ARPP21: variants seen among roughly 807,000 people sequenced by gnomAD.
The protein encoded by ARPP21 is cAMP-regulated phosphoprotein 21.
In ARPP21, 69 loss-of-function variants were observed where a neutral mutation model predicts 113.2. That is an observed-to-expected ratio of 0.61 (90% CI 0.50 to 0.74). The LOEUF is 0.74. ARPP21 is among the 30% of genes least tolerant of loss of function. The pLI is 0.00. For missense variants in ARPP21, 1,070 were observed against 1,037.4 expected (o/e 1.03, Z -0.43); for synonymous variants, 368 against 375.5 (o/e 0.98, Z 0.23).
chr3:35,740,236 A>G (rs2094575847), intron 18 of ARPP21, among the ~76,000 whole-genome samples: 1 of 152,172 alleles, frequency 6.6e-6, no homozygotes. Flanking sequence ...ACCACCAAAC[A>G]TCTCTGGTAC....
intron 19 of ARPP21, among the ~76,000 whole-genome samples, chr3:35,745,235 T>C (rs1245606678): frequency 1.3e-5 from 2 of 152,250 alleles, no homozygotes; most frequent in African/African-American, 4.8e-5. Context: ...CTCTAATTTG[T>C]GGAAAACGTT....
intron 9 of ARPP21, among the ~76,000 whole-genome samples, chr3:35,692,942 T>C (rs2082675425): frequency 6.6e-6 from 1 of 151,714 alleles, no homozygotes; most frequent in African/African-American, 2.4e-5. Flanking sequence ...TTCCTGCAAG[T>C]TCCCAAATAC....
At chr3:35,776,363 G>A (rs1272117496) in intron 19 of ARPP21, among the ~76,000 whole-genome samples, 1 of 152,176 alleles carries the variant, frequency 6.6e-6, no homozygotes, top group East Asian at 1.9e-4. Flanking sequence ...TAGGTACTGA[G>A]AAGCCCTGTA....
chr3:35,646,931 T>C (rs766081757), intron 1 of ARPP21, among the ~76,000 whole-genome samples: 1 of 152,162 alleles, frequency 6.6e-6, no homozygotes, highest in Non-Finnish European at 1.5e-5. Context: ...CACTCCCGTG[T>C]CATTTAACTT....
At chr3:35,773,846 T>C (rs898453638) in intron 19 of ARPP21, among the ~76,000 whole-genome samples, 16 of 152,206 alleles carry the variant, frequency 1.1e-4, no homozygotes, top group Non-Finnish European at 8.8e-5. Context: ...CATCTTAGAC[T>C]ACATCTGTTT....
intron 1 of ARPP21, among the ~76,000 whole-genome samples, chr3:35,674,030 T>A (rs2076943404): frequency 6.6e-6 from 1 of 151,922 alleles, no homozygotes; most frequent in South Asian, 2.1e-4. Context: ...CCAATAGAAA[T>A]AACTGAAAAT....
intron 12 of ARPP21, among the ~76,000 whole-genome samples, chr3:35,716,008 A>G (rs2092338328): frequency 6.6e-6 from 1 of 152,152 alleles, no homozygotes; most frequent in African/African-American, 2.4e-5. Flanking sequence ...TAGATTTAGC[A>G]GTGTACCTGG....
intron 15 of ARPP21, among the ~76,000 whole-genome samples, chr3:35,734,920 T>C (rs1261086578): frequency 6.6e-6 from 1 of 152,176 alleles, no homozygotes; most frequent in Non-Finnish European, 1.5e-5. Context: ...AGACCTAGAG[T>C]ATATCTAGTC....
chr3:35,765,990 A>T (rs933003553), intron 19 of ARPP21, among the ~76,000 whole-genome samples: 3 of 152,146 alleles, frequency 2.0e-5, no homozygotes, highest in African/African-American at 7.2e-5. Flanking sequence ...GCAATGACTG[A>T]TTATTAATGT....
intron 1 of ARPP21, among the ~76,000 whole-genome samples, chr3:35,671,692 T>C (rs1401706045): frequency 1.3e-5 from 2 of 151,872 alleles, no homozygotes; most frequent in Admixed American, 1.3e-4. Context: ...AGGGGAAAAA[T>C]GACAGTTCGA....
intron 19 of ARPP21, chr3:35,784,793 T>C (rs959913543): frequency 2.0e-5 from 3 of 152,212 alleles, no homozygotes; most frequent in African/African-American, 7.2e-5. Context: ...TGCTTTATTA[T>C]ATAAAGAGGG....
intron 1 of ARPP21, among the ~76,000 whole-genome samples, chr3:35,656,334 T>C (rs1278734263): frequency 2.0e-5 from 3 of 152,070 alleles, no homozygotes; most frequent in African/African-American, 7.2e-5. Flanking sequence ...TGGTGAGCAT[T>C]AGAGGTTAAA....
chr3:35,780,603 C>T (rs936512991), intron 19 of ARPP21, among the ~76,000 whole-genome samples: 5 of 152,012 alleles, frequency 3.3e-5, no homozygotes, highest in African/African-American at 1.2e-4. Flanking sequence ...GTGGGCTAAA[C>T]AATAGGAATT....
At chr3:35,677,533 T>C (rs2077836611) in intron 1 of ARPP21, among the ~76,000 whole-genome samples, 1 of 151,974 alleles carries the variant, frequency 6.6e-6, no homozygotes, top group African/African-American at 2.4e-5. Flanking sequence ...TGTTGATTAA[T>C]TTCCTGTAGC....
chr3:35,720,308 A>AT lies in ARPP21; in HGVS notation c.996-1294dup, dbSNP rs1319931464. On this transcript the variant is annotated intron_variant, in intron 13 of 20. Coordinates refer to ENST00000684406, the MANE Select transcript of ARPP21 (RefSeq NM_001385562.1). ...TATTTCATTTTTATTTCTTGGATCC[A>AT]TTTATCTTCTTATGTTTGGCTGAAA... is the stretch of plus-strand genomic sequence containing the variant. Among the ~76,000 whole-genome samples, 4 of 152,186 alleles carry AT rather than the reference A, an allele frequency of 2.6e-5. No homozygotes were observed. The East Asian group carries it at 7.7e-4, about 29-fold the overall frequency.
intron 1 of ARPP21, among the ~76,000 whole-genome samples, chr3:35,644,420 G>A (rs1407505332): frequency 6.6e-6 from 1 of 151,872 alleles, no homozygotes; most frequent in Non-Finnish European, 1.5e-5. Flanking sequence ...TACATAATAT[G>A]TTTCATTAAG....
rs749576638 is a variant in ARPP21 at position 35,721,858 on chromosome 3, T to C, written c.1225+24T>C. 4.1e-6 allele frequency: 6 copies of C among 1,474,896 alleles called. No homozygotes were observed. The East Asian group carries it at 9.6e-5, about 24-fold the overall frequency. The allele number at this position is 1,474,896 out of a possible 1,614,324, so 91.4% of individuals were successfully genotyped here. A position where few individuals can be genotyped will look rare whatever the true frequency, so the allele number is the denominator to read the frequency against. ...AGGTAGTTAGTACTGAATGTGTTTATGTCCTGTGGTATTTTTTGGATTCTA... is the reference window on the plus strand; with the variant it reads ...AGGTAGTTAGTACTGAATGTGTTTACGTCCTGTGGTATTTTTTGGATTCTA... On this transcript the variant is annotated intron_variant, in intron 14 of 20. Transcript: ENST00000684406.
chr3:35,737,994 C>T (rs1308190849), intron 16 of ARPP21, among the ~76,000 whole-genome samples: 3 of 152,194 alleles, frequency 2.0e-5, no homozygotes, highest in East Asian at 1.9e-4. Context: ...ATCAAACGTA[C>T]ATCAGTAACT....
intron 12 of ARPP21, among the ~76,000 whole-genome samples, chr3:35,717,059 A>G (rs1421879932): frequency 6.6e-6 from 1 of 152,000 alleles, no homozygotes; most frequent in African/African-American, 2.4e-5. Context: ...CTCCTCTTCT[A>G]TTCCCTCTGC....
Sources: gnomAD v4.1 joint callset for allele counts (sites outside exome capture counted in the v4.1 genomes callset) on GRCh38, gnomAD v4.1.1 for gene constraint, MANE v1.5 for transcripts, NCBI Gene and HGNC (gene_info 2026-07-23, HGNC 2026-07-21) for gene names.